DENND2B: variants seen among roughly 807,000 people sequenced by gnomAD.
The protein encoded by DENND2B is DENN domain-containing protein 2B.
Under a neutral mutation model 116.0 loss-of-function variants are expected in DENND2B, and 32 were observed. The observed-to-expected ratio is 0.28, with a 90% CI of 0.21 to 0.37. The LOEUF (loss-of-function observed/expected upper bound fraction) is 0.37, where lower values mean the gene tolerates loss of function less well. Among genes scored for constraint, DENND2B ranks in the 10% least tolerant of loss-of-function variants. The pLI is 1.00. For missense variants in DENND2B, 1,276 were observed against 1,477.7 expected, an observed-to-expected ratio of 0.86 and a Z score of 2.24; for synonymous variants, 588 against 583.9, an observed-to-expected ratio of 1.01 and a Z score of -0.10.
At chr11:8,717,716 C>G (rs370693396) in intron 5 of DENND2B, 25 bp downstream of exon 5, 1 of 1,523,798 alleles carries the variant, frequency 6.6e-7, no homozygotes, top group Non-Finnish European at 8.8e-7. Context: ...GCTAACCCTA[C>G]AGGCCGATGT....
rs1335898999 is a variant in DENND2B, at chr11:8,730,293, T to C, written c.997A>G (p.Ser333Gly). The change falls in exon 3 of 20, where the codon AGC becomes GGC. Residue 333 changes from serine (S) to glycine (G), a missense_variant. Physicochemically the swap from Ser to Gly is moderately conservative, Grantham distance 56. Around this residue, in one of 2 missense-constraint regions of DENND2B, gnomAD observed 856 missense variants for 846.6 expected, o/e 1.01. Transcript: ENST00000313726. This position sits in a 1 kb window ranked among gnomAD's most constrained non-coding sequence, Gnocchi z 4.1. Reference sequence around the variant, plus strand: ...ACTCCGACTGCCCGGCTGCCAGCGCTCACACTCGCGCCCCCTGCCGGCTCC... The same window carrying C: ...ACTCCGACTGCCCGGCTGCCAGCGCCCACACTCGCGCCCCCTGCCGGCTCC... ...LEEPAGGASV[S>G]AGSRAVGVAG... 2 of 1,606,694 alleles carry C rather than the reference T, an allele frequency of 1.2e-6. No homozygotes were observed. Among genetic ancestry groups the C allele is most frequent in the Non-Finnish European group, 1.7e-6 (2 of 1,178,434 alleles).
At chr11:8,900,132 A>T (rs553493153) in intron 1 of DENND2B, among the ~76,000 whole-genome samples, 1 of 152,226 alleles carries the variant, frequency 6.6e-6, no homozygotes, top group South Asian at 2.1e-4. Flanking sequence ...CTCTATAAAA[A>T]ATGTAAAAAT....
At chr11:8,705,478 T>C (rs2042436377) in intron 13 of DENND2B, among the ~76,000 whole-genome samples, 1 of 152,144 alleles carries the variant, frequency 6.6e-6, no homozygotes, top group Non-Finnish European at 1.5e-5. Flanking sequence ...AGTGTTCCTC[T>C]CCTGCAGGGC....
At chr11:8,774,270 G>T (rs1054447155) in intron 1 of DENND2B, 2 of 985,282 alleles carry the variant, frequency 2.0e-6, no homozygotes, top group African/African-American at 3.5e-5. Context: ...TCCAGAAACG[G>T]CAGGACACTT....
rs771010271 is a variant in DENND2B, at chr11:8,729,911, C to G, written c.1340+39G>C. 20 of 1,598,856 alleles carry G rather than the reference C, an allele frequency of 1.3e-5. No individual in the cohort carries two copies. The Admixed American group carries it at 1.5e-4, about 12-fold the overall frequency. ...GCACTGTCCATTTAAAAGAAAGCCA[C>G]GGTATTCAGCTACAACACACCGGAG... On this transcript the variant is annotated intron_variant, in intron 3 of 19. Transcript: ENST00000313726.
In DENND2B at chr11:8,730,327, G is replaced by A; in HGVS notation, c.963C>T (p.Gly321=). ...DRGKRKTGTL[G]SLEEPAGGAS... is the part of the protein sequence containing the mutation. ...CGCCCCCTGCCGGCTCCTCCAAGGA[G>A]CCCAAGGTTCCAGTCTTCCTTTTCC... The change falls in exon 3 of 20, where the codon GGC becomes GGT. Residue 321 remains glycine, a synonymous_variant. Coordinates refer to ENST00000313726, the MANE Select transcript of DENND2B (RefSeq NM_213618.2). The surrounding 1 kb of genome is among the most constrained non-coding windows in gnomAD (Gnocchi z 4.1). The A allele has an allele frequency of 2.5e-6, 4 of 1,601,284 alleles. No individual in the cohort carries two copies. The highest frequency in any genetic ancestry group is 3.4e-6 in the Non-Finnish European group (4 of 1,177,620).
At chr11:8,843,308 G>A (rs747287807) in intron 3 of DENND2B, among the ~76,000 whole-genome samples, 7 of 151,974 alleles carry the variant, frequency 4.6e-5, no homozygotes, top group African/African-American at 9.7e-5. Flanking sequence ...GTGCCCGGCC[G>A]GAGTCACTCG....
intron 2 of DENND2B, among the ~76,000 whole-genome samples, chr11:8,744,623 C>T (rs1290969320): frequency 6.6e-6 from 1 of 152,122 alleles, no homozygotes; most frequent in Non-Finnish European, 1.5e-5. Flanking sequence ...ACCAAAAGCC[C>T]AGAGGGTGCA....
At chr11:8,833,635 C>T (rs530490585) in intron 4 of DENND2B, among the ~76,000 whole-genome samples, 1 of 152,042 alleles carries the variant, frequency 6.6e-6, no homozygotes, top group Non-Finnish European at 1.5e-5. Flanking sequence ...ACAGGAGGCA[C>T]AGAGTTAAAT....
At chr11:8,772,293 T>C (rs1159278841) in intron 1 of DENND2B, among the ~76,000 whole-genome samples, 1 of 152,148 alleles carries the variant, frequency 6.6e-6, no homozygotes, top group Non-Finnish European at 1.5e-5. Context: ...TGAGCCATTC[T>C]AGCAAATTAC....
chr11:8,797,408 C>T lies in DENND2B; in HGVS notation c.-26+13109G>A, dbSNP rs186454747. ...TGTCTATGCCCACTTCAGATCCCTTCTGTTTCCTCATATTCTTATCCCCTT... is the reference window on the plus strand; with the variant it reads ...TGTCTATGCCCACTTCAGATCCCTTTTGTTTCCTCATATTCTTATCCCCTT... On this transcript the variant is annotated intron_variant, in intron 1 of 19. Coordinates refer to ENST00000313726, the MANE Select transcript of DENND2B (RefSeq NM_213618.2). Among the ~76,000 whole-genome samples, 144 of 152,136 alleles carry T rather than the reference C, an allele frequency of 9.5e-4. 1 individual carries two copies. The highest frequency in any genetic ancestry group is 8.4e-4 in the Non-Finnish European group (57 of 67,982).
chr11:8,752,221 G>T (rs1409250910), intron 1 of DENND2B, among the ~76,000 whole-genome samples: 7 of 152,236 alleles, frequency 4.6e-5, no homozygotes, highest in African/African-American at 1.4e-4. Context: ...GGGAGGCCAA[G>T]GCAGGCAGTT....
rs144772727 is a variant in DENND2B at position 8,740,164 on chromosome 11, G to A, written c.81-8955C>T. The stretch of plus-strand genomic sequence containing the variant: ...TGGTTACACCATGGCACTCTAGCCT[G>A]GGCAACAAAGTGAGATCCTGTCTCA... On this transcript the variant is annotated intron_variant, in intron 2 of 19. Transcript: ENST00000313726. Among the ~76,000 whole-genome samples the A allele has an allele frequency of 9.8e-3, 1,478 of 150,930 alleles. 21 individuals are homozygous for A. The highest frequency in any genetic ancestry group is 0.033 in the African/African-American group (1,352 of 41,020).
At position 8,721,733 on chromosome 11, in the gene DENND2B, C is replaced by T. The variant is rs576634858; in HGVS notation, c.1478-3841G>A. Among the ~76,000 whole-genome samples, 10 of 152,368 alleles carry T rather than the reference C, an allele frequency of 6.6e-5. No homozygotes were observed. The East Asian group carries it at 1.5e-3, about 24-fold the overall frequency. ...TTGGCTGTTTTGTTTCCCACTGCAA[C>T]CTCCATCCCAGTGGGTGCCCTCTGC... On this transcript the variant is annotated intron_variant, in intron 4 of 19. Transcript: ENST00000313726.
Position 8,694,043 on chromosome 11 carries a change from T to C in DENND2B, c.*53A>G, listed in dbSNP as rs767316325. 8.1e-6 allele frequency: 13 copies of C among 1,607,568 alleles called. No homozygotes were observed. Among genetic ancestry groups the C allele is most frequent in the Admixed American group, 3.3e-5 (2 of 59,714 alleles). On this transcript the variant is annotated 3_prime_UTR_variant, in exon 20 of 20. Transcript: ENST00000313726. The stretch of plus-strand genomic sequence containing the variant: ...CCAGAGGGTCCCAGGCTGGGCCTTC[T>C]CCCCAGGCTTCAGGCTCTGCAAGGC...
intron 1 of DENND2B, among the ~76,000 whole-genome samples, chr11:8,885,808 G>C (rs564183234): frequency 6.6e-6 from 1 of 152,284 alleles, no homozygotes; most frequent in South Asian, 2.1e-4. Context: ...TCATAGTAAA[G>C]AAGGATTTTG....
At chr11:8,858,509 T>A (rs752750194) in intron 2 of DENND2B, among the ~76,000 whole-genome samples, 1 of 151,758 alleles carries the variant, frequency 6.6e-6, no homozygotes, top group Non-Finnish European at 1.5e-5. Flanking sequence ...GAGAAGAGCA[T>A]CCTAGGAGCA....
At chr11:8,836,200 A>AG (rs2062418482) in intron 4 of DENND2B, among the ~76,000 whole-genome samples, 1 of 151,314 alleles carries the variant, frequency 6.6e-6, no homozygotes, top group East Asian at 1.9e-4. Context: ...ACAAAAAAAA[A>AG]AAAAAAATTG....
chr11:8,786,001 C>T (rs7127574), intron 1 of DENND2B, among the ~76,000 whole-genome samples: 140,318 of 152,260 alleles, frequency 0.92, 65,634 homozygotes, highest in Non-Finnish European at 1. Context: ...GAAGCTATTA[C>T]AGAACTCGGG....
Sources: allele counts gnomAD v4.1 joint callset (sites outside exome capture counted in the v4.1 genomes callset), GRCh38; gene constraint gnomAD v4.1.1; regional missense constraint gnomAD v4.1.1; non-coding constraint Gnocchi (gnomAD v3.1); transcripts MANE v1.5; gene names NCBI Gene and HGNC (gene_info 2026-07-23, HGNC 2026-07-21).